MCC: variants seen among roughly 807,000 people sequenced by gnomAD.
MCC encodes the protein MCC regulator of Wnt signaling pathway, also known as colorectal mutant cancer protein.
In MCC, 90 loss-of-function variants were observed where a neutral mutation model predicts 116.2. The ratio of observed to expected loss-of-function variants is 0.77; its 90% CI spans 0.65 to 0.92. The LOEUF (loss-of-function observed/expected upper bound fraction) is 0.92, where lower values mean the gene tolerates loss of function less well. MCC is among the 40% of genes least tolerant of loss of function. The probability of loss-of-function intolerance (pLI) is 0.00; values close to 1 mark genes in which losing one functional copy is unlikely to be tolerated. For missense variants in MCC, 1,516 were observed against 1,312.2 expected, an observed-to-expected ratio of 1.16 and a Z score of -2.40; for synonymous variants, 578 against 510.5, an observed-to-expected ratio of 1.13 and a Z score of -1.78.
chr5:113,136,142 C>A (rs1015131501), intron 5 of MCC, among the ~76,000 whole-genome samples: 11 of 152,144 alleles, frequency 7.2e-5, no homozygotes, highest in African/African-American at 2.7e-4. Flanking sequence ...ATAGCGTAGC[C>A]ATTGCTTCTG....
intron 1 of MCC, among the ~76,000 whole-genome samples, chr5:113,426,543 G>A (rs1770490107): frequency 6.6e-6 from 1 of 152,078 alleles, no homozygotes; most frequent in Non-Finnish European, 1.5e-5. Context: ...CTCTTTCTAT[G>A]TTCTTCATGC....
intron 4 of MCC, among the ~76,000 whole-genome samples, chr5:113,144,076 A>AG (rs1433839715): frequency 6.6e-6 from 1 of 152,206 alleles, no homozygotes; most frequent in Non-Finnish European, 1.5e-5. Flanking sequence ...TGGGTGATCT[A>AG]GGAGTGTTAT....
chr5:113,255,362 G>A (rs376047889), intron 3 of MCC, among the ~76,000 whole-genome samples: 2 of 152,154 alleles, frequency 1.3e-5, no homozygotes, highest in East Asian at 1.9e-4. Context: ...TATTAAGAAT[G>A]ATTGGACAGA....
chr5:113,084,206 A>G lies in MCC; in HGVS notation c.1546-16T>C. 1 of 1,601,288 alleles carries G rather than the reference A, an allele frequency of 6.2e-7. No individual in the cohort carries two copies. Among genetic ancestry groups the G allele is most frequent in the East Asian group, 2.2e-5 (1 of 44,810 alleles). Reference sequence around the variant, plus strand: ...TCTCAGCAATCTTAAAAAAGAAAACAAAACATTATAGAAAACTACACACCA... The same window carrying G: ...TCTCAGCAATCTTAAAAAAGAAAACGAAACATTATAGAAAACTACACACCA... On this transcript the variant is annotated splice_polypyrimidine_tract_variant and intron_variant, in intron 9 of 18. Transcript: ENST00000408903.
chr5:113,488,293 C>T lies in MCC; in HGVS notation c.122G>A (p.Arg41Gln). 6.3e-7 allele frequency: 1 copy of T among 1,594,948 alleles called. No individual in the cohort carries two copies. Among genetic ancestry groups the T allele is most frequent in the Non-Finnish European group, 8.5e-7 (1 of 1,171,876 alleles). Residue 41 changes from arginine to glutamine, a missense_variant, in exon 1 of 19, where the codon CGG (arginine) becomes CAG (glutamine). Physicochemically the swap from Arg to Gln is conservative, Grantham distance 43. Transcript: ENST00000408903. ...GCCGTCGCACGTCTGGAAGAGGCGCCGCATCCTCTCCTCCTCGCCGGTGCT... is the reference window on the plus strand; with the variant it reads ...GCCGTCGCACGTCTGGAAGAGGCGCTGCATCCTCTCCTCCTCGCCGGTGCT... Reference protein sequence around the residue: ...TSSTGEEERMRRLFQTCDGDG... With the variant: ...TSSTGEEERMQRLFQTCDGDG...
At chr5:113,481,915 A>G (rs756361067) in intron 1 of MCC, among the ~76,000 whole-genome samples, 2 of 152,188 alleles carry the variant, frequency 1.3e-5, no homozygotes, top group Non-Finnish European at 2.9e-5. Context: ...TATACTCTTT[A>G]GCTCTCATTC....
intron 3 of MCC, among the ~76,000 whole-genome samples, chr5:113,229,312 A>G (rs1294486736): frequency 6.6e-6 from 1 of 152,250 alleles, no homozygotes; most frequent in Non-Finnish European, 1.5e-5. Flanking sequence ...CTGAAAAAAT[A>G]CTGCTGTTTC....
chr5:113,378,843 G>A (rs146090690), intron 2 of MCC, among the ~76,000 whole-genome samples: 7 of 152,314 alleles, frequency 4.6e-5, no homozygotes, highest in East Asian at 3.9e-4. Flanking sequence ...CAAAGGCTCC[G>A]TTGGAATTGC....
chr5:113,394,725 T>C (rs1284523349), intron 1 of MCC, among the ~76,000 whole-genome samples: 1 of 152,242 alleles, frequency 6.6e-6, no homozygotes, highest in African/African-American at 2.4e-5. Flanking sequence ...TCTAATTTGA[T>C]AGCTCTTCAG....
intron 3 of MCC, among the ~76,000 whole-genome samples, chr5:113,292,412 T>C (rs939794744): frequency 2.6e-5 from 4 of 152,032 alleles, no homozygotes; most frequent in Non-Finnish European, 4.4e-5. Flanking sequence ...AAAGAACATC[T>C]GGTAAAGGAT....
chr5:113,305,377 T>G (rs1312847642), intron 3 of MCC, among the ~76,000 whole-genome samples: 3 of 152,226 alleles, frequency 2.0e-5, no homozygotes, highest in Non-Finnish European at 4.4e-5. Context: ...ATTCTTTATG[T>G]GACAACCAGA....
intron 4 of MCC, among the ~76,000 whole-genome samples, chr5:113,145,909 A>T (rs1385689409): frequency 6.6e-6 from 1 of 152,098 alleles, no homozygotes; most frequent in Non-Finnish European, 1.5e-5. Flanking sequence ...GCCTGCCTGG[A>T]GGATACCTGC....
At position 113,385,003 on chromosome 5, in the gene MCC, A is replaced by G; in HGVS notation, c.380T>C (p.Ile127Thr). 2 of 1,613,828 alleles carry G rather than the reference A, an allele frequency of 1.2e-6. No homozygotes were observed. The highest frequency in any genetic ancestry group is 1.7e-6 in the Non-Finnish European group (2 of 1,179,704). ...NSCTKKLRDR[I>T]ASWPTSSDNS... ...GTCACTGCTCGTGGGCCAGGAAGCA[A>G]TTCTATCCCTCAGCTTCTTTGTACA... Residue 127 changes from isoleucine to threonine, a missense_variant, in exon 2 of 19, where the codon ATT becomes ACT. Coordinates refer to ENST00000408903, the MANE Select transcript of MCC (RefSeq NM_001085377.2).
intron 3 of MCC, among the ~76,000 whole-genome samples, chr5:113,153,469 G>A (rs1406030774): frequency 1.3e-5 from 2 of 152,154 alleles, no homozygotes; most frequent in Admixed American, 6.5e-5. Flanking sequence ...GGAGAGCACC[G>A]GGCTTAGAGT....
At chr5:113,352,647 T>A (rs554266142) in intron 2 of MCC, among the ~76,000 whole-genome samples, 1 of 151,300 alleles carries the variant, frequency 6.6e-6, no homozygotes, top group South Asian at 2.1e-4. Context: ...TCCTTTTTTT[T>A]CCCCCTGCAT....
chr5:113,197,220 T>C (rs978245829), intron 3 of MCC, among the ~76,000 whole-genome samples: 1 of 152,090 alleles, frequency 6.6e-6, no homozygotes, highest in South Asian at 2.1e-4. Context: ...ATAATTACAA[T>C]TCAAAAGGGG....
chr5:113,053,867 T>C lies in MCC; in HGVS notation c.2306A>G (p.Asp769Gly). ...LKDYIQQLKN[D>G]RAAVKLTMLE... ...CATGGTCAGCTTGACCGCAGCCCTG[T>C]CATTCTTGAGCTGCTGGATATAATC... The change falls in exon 15 of 19, where the codon GAC (aspartate) becomes GGC (glycine). Residue 769 changes from aspartate (D) to glycine (G), a missense_variant. Transcript: ENST00000408903. 6.2e-7 allele frequency: 1 copy of C among 1,614,164 alleles called. No individual in the cohort carries two copies. The highest frequency in any genetic ancestry group is 8.5e-7 in the Non-Finnish European group (1 of 1,180,024).
chr5:113,187,318 A>C (rs1027342708), intron 3 of MCC, among the ~76,000 whole-genome samples: 2 of 152,186 alleles, frequency 1.3e-5, no homozygotes, highest in Admixed American at 6.5e-5. Flanking sequence ...CATGTTGGCC[A>C]GGCTCATTTT....
In MCC at chr5:113,051,467, C is replaced by T. The variant is rs539474501; in HGVS notation, c.2449-2168G>A. On this transcript the variant is annotated intron_variant, in intron 15 of 18. Transcript: ENST00000408903. The stretch of plus-strand genomic sequence containing the variant: ...GGCCTGGTGCCTCACATCTGTAATC[C>T]CAGCACTTTGGGAGGTTGACCTGGG... Among the ~76,000 whole-genome samples, 286 of 152,234 alleles carry T rather than the reference C, an allele frequency of 1.9e-3. 4 individuals carry two copies. Among genetic ancestry groups the T allele is most frequent in the Non-Finnish European group, 7.1e-4 (48 of 68,016 alleles).
Sources: allele counts gnomAD v4.1 joint callset (sites outside exome capture counted in the v4.1 genomes callset), GRCh38; gene constraint gnomAD v4.1.1; transcripts MANE v1.5; gene names NCBI Gene and HGNC (gene_info 2026-07-23, HGNC 2026-07-21).